BRINP3: variants seen among roughly 807,000 people sequenced by gnomAD.
The protein encoded by BRINP3 is BMP/retinoic acid-inducible neural-specific protein 3.
Under a neutral mutation model 71.0 loss-of-function variants are expected in BRINP3, and 19 were observed. The observed-to-expected ratio is 0.27, with a 90% CI of 0.19 to 0.39. The LOEUF (loss-of-function observed/expected upper bound fraction) is 0.39. Ranked by LOEUF, BRINP3 falls within the 10% of genes least tolerant of loss-of-function variation. The pLI is 1.00. For missense variants in BRINP3, 959 were observed against 940.8 expected, an observed-to-expected ratio of 1.02 and a Z score of -0.25; for synonymous variants, 380 against 337.7, an observed-to-expected ratio of 1.13 and a Z score of -1.37.
intron 1 of BRINP3, among the ~76,000 whole-genome samples, chr1:190,467,004 T>G (rs1328920882): frequency 6.6e-6 from 1 of 151,528 alleles, no homozygotes; most frequent in Non-Finnish European, 1.5e-5. Flanking sequence ...AAATCATCAC[T>G]CTGAGAATTG....
At chr1:190,226,463 TAA>T (rs1657389235) in intron 5 of BRINP3, 145 bp from the exon 6 acceptor site, 3 of 485,316 alleles carry the variant, frequency 6.2e-6, no homozygotes, top group Middle Eastern at 5.2e-4. Context: ...GAAAAATATC[TAA>T]GTCTATATGC....
chr1:190,328,189 A>T (rs1351003751), intron 2 of BRINP3, among the ~76,000 whole-genome samples: 2 of 152,136 alleles, frequency 1.3e-5, no homozygotes, highest in Non-Finnish European at 2.9e-5. Context: ...CTAGCAAAAG[A>T]AAAGAAATAA....
chr1:190,393,021 G>T (rs1671346394), intron 2 of BRINP3, among the ~76,000 whole-genome samples: 1 of 151,240 alleles, frequency 6.6e-6, no homozygotes, highest in African/African-American at 2.4e-5. Flanking sequence ...ATTTTGCCAA[G>T]GACCAAAATA....
chr1:190,434,062 G>C (rs1674287902), intron 2 of BRINP3, among the ~76,000 whole-genome samples: 1 of 151,884 alleles, frequency 6.6e-6, no homozygotes, highest in Non-Finnish European at 1.5e-5. Flanking sequence ...ATGTCTTTTT[G>C]TTTTACCAGC....
At chr1:190,448,302 T>C (rs1003048004) in intron 2 of BRINP3, among the ~76,000 whole-genome samples, 3 of 151,682 alleles carry the variant, frequency 2.0e-5, no homozygotes, top group African/African-American at 7.2e-5. Flanking sequence ...TGTTAAAATT[T>C]TTCTTTGTGG....
intron 6 of BRINP3, among the ~76,000 whole-genome samples, chr1:190,161,267 G>T (rs1650916377): frequency 6.6e-6 from 1 of 151,234 alleles, no homozygotes; most frequent in Non-Finnish European, 1.5e-5. Context: ...TTTTGGCAAT[G>T]GTATTAATAA....
At chr1:190,343,537 A>C (rs1180817283) in intron 2 of BRINP3, among the ~76,000 whole-genome samples, 1 of 151,766 alleles carries the variant, frequency 6.6e-6, no homozygotes, top group African/African-American at 2.4e-5. Flanking sequence ...ATGACATATA[A>C]ATTAAGTGCA....
At position 190,449,343 on chromosome 1, in the gene BRINP3, G is replaced by C. The variant is rs529561938; in HGVS notation, c.236+5312C>G. On this transcript the variant is annotated intron_variant, in intron 2 of 7. Transcript: ENST00000367462. ...ACAATTTCCTACAATCTATTGAAGA[G>C]ACCAGGCATTCATGTGTGCTTGTTT... Among the ~76,000 whole-genome samples the C allele has an allele frequency of 5.3e-5, 8 of 152,040 alleles. No homozygotes were observed. In the South Asian group the frequency reaches 6.2e-4, roughly 12 times the overall value.
chr1:190,182,724 A>T (rs1653138012), intron 6 of BRINP3, among the ~76,000 whole-genome samples: 1 of 152,118 alleles, frequency 6.6e-6, no homozygotes, highest in African/African-American at 2.4e-5. Flanking sequence ...GGCTAGGCAC[A>T]TCAGATAATA....
chr1:190,330,822 C>T (rs1666915531), intron 2 of BRINP3, among the ~76,000 whole-genome samples: 1 of 151,928 alleles, frequency 6.6e-6, no homozygotes, highest in African/African-American at 2.4e-5. Flanking sequence ...AAATTATGTC[C>T]TTTGCAGCAA....
intron 3 of BRINP3, among the ~76,000 whole-genome samples, chr1:190,279,142 C>G (rs1353430308): frequency 6.6e-6 from 1 of 151,638 alleles, no homozygotes; most frequent in Non-Finnish European, 1.5e-5. Context: ...AATCACTGAA[C>G]TTTTTCAGAG....
At chr1:190,306,462 T>A (rs947606573) in intron 2 of BRINP3, among the ~76,000 whole-genome samples, 10 of 151,902 alleles carry the variant, frequency 6.6e-5, no homozygotes, top group Non-Finnish European at 1.0e-4. Flanking sequence ...TATATATTTT[T>A]AATATTTATT....
chr1:190,300,654 C>A (rs1282465515), intron 2 of BRINP3, among the ~76,000 whole-genome samples: 1 of 151,778 alleles, frequency 6.6e-6, no homozygotes. Flanking sequence ...GAGGCACCCC[C>A]CAGCAGGGGC....
intron 1 of BRINP3, among the ~76,000 whole-genome samples, chr1:190,456,620 AC>A (rs1676010437): frequency 6.6e-6 from 1 of 152,008 alleles, no homozygotes; most frequent in South Asian, 2.1e-4. Context: ...AATATAGCTT[AC>A]TTTCATTTAT....
At chr1:190,195,151 T>G (rs1654368636) in intron 6 of BRINP3, among the ~76,000 whole-genome samples, 1 of 152,152 alleles carries the variant, frequency 6.6e-6, no homozygotes, top group Admixed American at 6.6e-5. Flanking sequence ...CAAGTAAATA[T>G]ATCTATGCCA....
intron 3 of BRINP3, among the ~76,000 whole-genome samples, chr1:190,268,624 C>T (rs1009947234): frequency 6.6e-6 from 1 of 151,958 alleles, no homozygotes; most frequent in Non-Finnish European, 1.5e-5. Flanking sequence ...ATGTTTATTT[C>T]GCAGATAATA....
chr1:190,397,718 T>C lies in BRINP3; in HGVS notation c.236+56937A>G, dbSNP rs955144348. On this transcript the variant is annotated intron_variant, in intron 2 of 7. Transcript: ENST00000367462. ...TGGAGTTTGAATACAGGAGGTGAAT[T>C]AAGGGCATATTTGATTATGCATGTG... 7.2e-5 allele frequency among the ~76,000 whole-genome samples: 11 copies of C among 152,064 alleles called. 1 individual carries two copies. In the South Asian group the frequency reaches 2.3e-3, roughly 32 times the overall value.
intron 2 of BRINP3, among the ~76,000 whole-genome samples, chr1:190,344,586 CT>C (rs1667891470): frequency 6.6e-6 from 1 of 151,800 alleles, no homozygotes; most frequent in South Asian, 2.1e-4. Flanking sequence ...TTAGAGAACA[CT>C]TTTTCTGATA....
At chr1:190,396,889 A>T (rs938684069) in intron 2 of BRINP3, among the ~76,000 whole-genome samples, 2 of 61,378 alleles carry the variant, frequency 3.3e-5, no homozygotes, top group Admixed American at 1.6e-4. Context: ...CCTTTTCAGT[A>T]CCTAAAACAT....
Sources: allele counts gnomAD v4.1 joint callset (sites outside exome capture counted in the v4.1 genomes callset), GRCh38; gene constraint gnomAD v4.1.1; transcripts MANE v1.5; gene names NCBI Gene and HGNC (gene_info 2026-07-23, HGNC 2026-07-21).